Variants in KLHL4 observed in about 807,000 individuals in gnomAD.
KLHL4 encodes the protein kelch like family member 4, also known as kelch-like protein 4.
KLHL4 carries 17 observed loss-of-function variants against 45.8 expected under a neutral mutation model. The ratio of observed to expected loss-of-function variants is 0.37; its 90% CI spans 0.25 to 0.56. The LOEUF (loss-of-function observed/expected upper bound fraction) is 0.56, where lower values mean the gene tolerates loss of function less well. Ranked by LOEUF, KLHL4 falls within the 20% of genes least tolerant of loss-of-function variation. The pLI, the probability that KLHL4 is intolerant of heterozygous loss-of-function variation, is 0.79. For synonymous variants in KLHL4, 224 were observed against 189.9 expected (o/e 1.18, Z -1.47); for missense variants, 544 against 544.9 (o/e 1.00, Z 0.02).
chrX:87,664,164 A>T (rs1313259515), intron 9 of KLHL4, among the ~76,000 whole-genome samples: 1 of 111,699 alleles, frequency 9.0e-6, no homozygotes, highest in African/African-American at 3.2e-5. Flanking sequence ...GTTTGGGGAT[A>T]AGGAGTTAAC....
chrX:87,605,578 T>C (rs964700493), intron 1 of KLHL4, among the ~76,000 whole-genome samples: 1 of 111,363 alleles, frequency 9.0e-6, no homozygotes, highest in African/African-American at 3.3e-5. Context: ...TTTGTTACGT[T>C]GACTTTTTAT....
At chrX:87,523,334 T>A (rs1269200564) in intron 1 of KLHL4, among the ~76,000 whole-genome samples, 8 of 111,781 alleles carry the variant, frequency 7.2e-5, no homozygotes, top group African/African-American at 2.6e-4. Context: ...CGTATATGTA[T>A]ATGTATGTAT....
rs181957708 is a variant in KLHL4 at position 87,611,503 on chromosome X, A to G, written c.423-2374A>G. Among the ~76,000 whole-genome samples, 41 of 111,156 alleles carry G rather than the reference A, an allele frequency of 3.7e-4. No homozygotes were observed. The Admixed American group carries it at 4.0e-3, about 11-fold the overall frequency. On this transcript the variant is annotated intron_variant, in intron 1 of 10. Transcript: ENST00000373119. ...AATTCCTATTAGCTAGTGACAATGC[A>G]ACCATTGTTCACAATGCACTACTCA...
intron 1 of KLHL4, among the ~76,000 whole-genome samples, chrX:87,550,366 T>A (rs5969252): frequency 0.25 from 27,562 of 109,953 alleles, 2,950 homozygotes; most frequent in East Asian, 0.51. Flanking sequence ...GGTAATTTAA[T>A]AATTACCAAC....
chrX:87,629,478 T>G (rs1249092070), intron 6 of KLHL4, among the ~76,000 whole-genome samples: 3 of 110,767 alleles, frequency 2.7e-5, no homozygotes, highest in African/African-American at 9.8e-5. Flanking sequence ...ATTTTATCTT[T>G]ATTGAATCTA....
intron 1 of KLHL4, among the ~76,000 whole-genome samples, chrX:87,582,615 CATG>C (rs1472105059): frequency 8.9e-6 from 1 of 112,082 alleles, no homozygotes; most frequent in Non-Finnish European, 1.9e-5. Context: ...CAGTCTAGAG[CATG>C]ATGACTACAT....
intron 1 of KLHL4, among the ~76,000 whole-genome samples, chrX:87,559,776 AATTTGT>A (rs1932055979): frequency 9.7e-6 from 1 of 103,251 alleles, no homozygotes; most frequent in African/African-American, 3.4e-5. Flanking sequence ...TATAACATAA[AATTTGT>A]ATACTAATAA....
chrX:87,623,288 CTTTTTTTTTTT>C (rs67869297), intron 5 of KLHL4, among the ~76,000 whole-genome samples: 1 of 50,202 alleles, frequency 2.0e-5, no homozygotes, highest in Non-Finnish European at 3.3e-5. Flanking sequence ...TTCCTTTTTT[CTTTTTTTTTTT>C]TTTTTTTTTT....
At chrX:87,548,628 G>T (rs1931735128) in intron 1 of KLHL4, among the ~76,000 whole-genome samples, 1 of 110,507 alleles carries the variant, frequency 9.0e-6, no homozygotes, top group Admixed American at 9.7e-5. Context: ...AAAGTTGGGG[G>T]ATGAAGTTAA....
intron 1 of KLHL4, among the ~76,000 whole-genome samples, chrX:87,561,772 A>G (rs1932104255): frequency 9.2e-6 from 1 of 109,064 alleles, no homozygotes. Context: ...GAAAGAGAAA[A>G]GTAGAGAACT....
At chrX:87,655,111 G>A (rs1183485929) in intron 9 of KLHL4, among the ~76,000 whole-genome samples, 1 of 111,357 alleles carries the variant, frequency 9.0e-6, no homozygotes, top group Non-Finnish European at 1.9e-5. Flanking sequence ...CTCTGTTCAC[G>A]CTATCGATTC....
chrX:87,646,202 C>G (rs1386567815), intron 9 of KLHL4, among the ~76,000 whole-genome samples: 3 of 111,068 alleles, frequency 2.7e-5, no homozygotes, highest in East Asian at 5.7e-4. Flanking sequence ...GGTGAAAGAC[C>G]TCTACAATGA....
At chrX:87,582,782 C>T (rs1209031088) in intron 1 of KLHL4, among the ~76,000 whole-genome samples, 1 of 111,695 alleles carries the variant, frequency 9.0e-6, no homozygotes, top group Non-Finnish European at 1.9e-5. Context: ...GTGAGTGTTA[C>T]AGCTCTTAAA....
chrX:87,628,379 G>A (rs1223039422), intron 6 of KLHL4, among the ~76,000 whole-genome samples: 2 of 109,379 alleles, frequency 1.8e-5, no homozygotes, highest in Non-Finnish European at 3.8e-5. Flanking sequence ...GGGTAAACAC[G>A]TAGTAGCAAA....
intron 1 of KLHL4, among the ~76,000 whole-genome samples, chrX:87,544,735 G>A (rs774007629): frequency 2.7e-5 from 3 of 111,744 alleles, no homozygotes; most frequent in Non-Finnish European, 3.8e-5. Context: ...AAGAACCACA[G>A]CATTACAGGG....
At chrX:87,576,946 TAATA>T (rs1170080151) in intron 1 of KLHL4, among the ~76,000 whole-genome samples, 1 of 112,162 alleles carries the variant, frequency 8.9e-6, no homozygotes, top group Non-Finnish European at 1.9e-5. Flanking sequence ...AATTACAAAA[TAATA>T]AATCTAGTCC....
chrX:87,666,660 A>T lies in KLHL4; in HGVS notation c.*126A>T, dbSNP rs1924379411. 2 of 1,008,655 alleles carry T rather than the reference A, an allele frequency of 2.0e-6. No homozygotes were observed. Among genetic ancestry groups the T allele is most frequent in the Non-Finnish European group, 2.5e-6 (2 of 793,089 alleles). The allele number at this position is 1,008,655 out of a possible 1,213,427, so 83.1% of individuals were successfully genotyped here. A position where few individuals can be genotyped will look rare whatever the true frequency, so the allele number is the denominator to read the frequency against. ...AATCAGACTGGAAAATTGTTGTATCATTTTAATTTGTAGTTACAATTGCTT... is the reference window on the plus strand; with the variant it reads ...AATCAGACTGGAAAATTGTTGTATCTTTTTAATTTGTAGTTACAATTGCTT... On this transcript the variant is annotated 3_prime_UTR_variant, in exon 11 of 11. Transcript: ENST00000373119.
chrX:87,666,817 A>C lies in KLHL4; in HGVS notation c.*283A>C. On this transcript the variant is annotated 3_prime_UTR_variant, in exon 11 of 11. Coordinates refer to ENST00000373119, the MANE Select transcript of KLHL4 (RefSeq NM_019117.5). ...AGCCCCATTACTACAAAATGCTAAA[A>C]TATTTAATGAAAATTGATGGTGGCC... is the stretch of plus-strand genomic sequence containing the variant. 1.2e-6 allele frequency: 1 copy of C among 814,523 alleles called. No individual in the cohort carries two copies. The highest frequency in any genetic ancestry group is 7.9e-5 in the East Asian group (1 of 12,673). 67.1% of individuals were successfully genotyped at this position (814,523 alleles called of 1,213,427 possible). A position where few individuals can be genotyped will look rare whatever the true frequency, so the allele number is the denominator to read the frequency against.
At position 87,642,078 on chromosome X, in the gene KLHL4, G is replaced by T. The variant is rs1359583619; in HGVS notation, c.1925+6303G>T. 5.4e-5 allele frequency among the ~76,000 whole-genome samples: 6 copies of T among 110,940 alleles called. No homozygotes were observed. The East Asian group carries it at 1.7e-3, about 32-fold the overall frequency. ...GGAAAGTGCCACCTCCTGGCAGGAGGCCACCCAGAACAAAAATGAAGCATT... is the reference window on the plus strand; with the variant it reads ...GGAAAGTGCCACCTCCTGGCAGGAGTCCACCCAGAACAAAAATGAAGCATT... On this transcript the variant is annotated intron_variant, in intron 9 of 10. Transcript: ENST00000373119.
Sources: gnomAD v4.1 joint callset for allele counts (sites outside exome capture counted in the v4.1 genomes callset) on GRCh38, gnomAD v4.1.1 for gene constraint, MANE v1.5 for transcripts, NCBI Gene and HGNC (gene_info 2026-07-23, HGNC 2026-07-21) for gene names.